TPH2: variants seen among roughly 807,000 people sequenced by gnomAD.
TPH2 encodes tryptophan 5-hydroxylase 2.
Under a neutral mutation model 59.1 loss-of-function variants are expected in TPH2, and 27 were observed. That is an observed-to-expected ratio of 0.46 (90% CI 0.34 to 0.63). TPH2 has a LOEUF of 0.63. TPH2 is among the 30% of genes least tolerant of loss of function. The probability of loss-of-function intolerance (pLI) is 0.01; values close to 1 mark genes in which losing one functional copy is unlikely to be tolerated. For missense variants in TPH2, 523 were observed against 588.3 expected, an observed-to-expected ratio of 0.89 and a Z score of 1.15; for synonymous variants, 220 against 210.5, an observed-to-expected ratio of 1.05 and a Z score of -0.39.
At chr12:72,030,992 G>T (rs1262198520) in intron 9 of TPH2, among the ~76,000 whole-genome samples, 1 of 151,966 alleles carries the variant, frequency 6.6e-6, no homozygotes, top group East Asian at 1.9e-4. Flanking sequence ...TATGAATTTG[G>T]CTGGTAATAA....
rs753298468 is a variant in TPH2 at position 71,944,488 on chromosome 12, T to G, written c.439+11T>G. ...GGACAGAGGAAGAAGGCAAGGGTGG[T>G]CTTAGCTTGTCGGGTAACTTTGCAA... On this transcript the variant is annotated intron_variant, in intron 3 of 10. Transcript: ENST00000333850. The G allele has an allele frequency of 1.2e-6, 2 of 1,613,768 alleles. No homozygotes were observed. Among genetic ancestry groups the G allele is most frequent in the Admixed American group, 1.7e-5 (1 of 59,962 alleles).
chr12:72,013,639 G>A (rs1873158634), intron 8 of TPH2, among the ~76,000 whole-genome samples: 4 of 152,116 alleles, frequency 2.6e-5, no homozygotes, highest in African/African-American at 4.8e-5. Flanking sequence ...AGATGTTTGT[G>A]GTAGGAGTAA....
At chr12:71,995,853 A>T (rs1463771461) in intron 8 of TPH2, among the ~76,000 whole-genome samples, 2 of 152,254 alleles carry the variant, frequency 1.3e-5, no homozygotes, top group African/African-American at 4.8e-5. Context: ...TATTAAAAAA[A>T]GTCCCACCAT....
intron 5 of TPH2, among the ~76,000 whole-genome samples, chr12:71,954,197 A>ACTGT (rs1361178272): frequency 1.3e-5 from 2 of 152,164 alleles, no homozygotes; most frequent in Non-Finnish European, 2.9e-5. Context: ...CGGCATGCTA[A>ACTGT]CTGTCGATAG....
Position 71,944,435 on chromosome 12 carries a change from G to A in TPH2, c.397G>A (p.Val133Met), listed in dbSNP as rs1871149539. 6.2e-7 allele frequency: 1 copy of A among 1,613,984 alleles called. No individual in the cohort carries two copies. Among genetic ancestry groups the A allele is most frequent in the Non-Finnish European group, 8.5e-7 (1 of 1,179,892 alleles). Residue 133 changes from valine (V) to methionine (M), a missense_variant, in exon 3 of 11, where the codon GTG becomes ATG. Coordinates refer to ENST00000333850, the MANE Select transcript of TPH2 (RefSeq NM_173353.4). ...GTTGCTGAAATTTCAAACCACTATTGTGACGCTGAATCCTCCAGAGAACAT... is the reference window on the plus strand; with the variant it reads ...GTTGCTGAAATTTCAAACCACTATTATGACGCTGAATCCTCCAGAGAACAT... ...IQLLKFQTTI[V>M]TLNPPENIWT...
intron 6 of TPH2, among the ~76,000 whole-genome samples, chr12:71,973,579 T>C (rs1369766292): frequency 6.6e-6 from 1 of 152,220 alleles, no homozygotes; most frequent in Non-Finnish European, 1.5e-5. Flanking sequence ...TTGTTTAGCA[T>C]ATAATCAAGA....
chr12:72,001,146 G>C (rs933739148), intron 8 of TPH2, among the ~76,000 whole-genome samples: 1 of 152,214 alleles, frequency 6.6e-6, no homozygotes, highest in African/African-American at 2.4e-5. Context: ...CTCTGGCCCA[G>C]TTGGAATTTT....
intron 1 of TPH2, among the ~76,000 whole-genome samples, chr12:71,939,309 T>C (rs190752797): frequency 7.3e-5 from 11 of 149,830 alleles, no homozygotes; most frequent in Middle Eastern, 3.5e-3. Flanking sequence ...CAACTTTTTT[T>C]CCGCAAAGTT....
chr12:71,978,191 C>T (rs1282949058), intron 6 of TPH2, among the ~76,000 whole-genome samples: 2 of 150,602 alleles, frequency 1.3e-5, no homozygotes, highest in African/African-American at 4.9e-5. Context: ...CGACTCTATA[C>T]AACATTTTAA....
intron 9 of TPH2, among the ~76,000 whole-genome samples, chr12:72,023,711 C>T (rs572265404): frequency 6.6e-6 from 1 of 151,348 alleles, no homozygotes; most frequent in African/African-American, 2.4e-5. Flanking sequence ...TACCTGTAAT[C>T]CCAGCTACTT....
rs894268330 is a variant in TPH2, at chr12:71,946,735, G to T, written c.540+2049G>T. Among the ~76,000 whole-genome samples the T allele has an allele frequency of 2.0e-5, 3 of 152,156 alleles. No homozygotes were observed. In the East Asian group the frequency reaches 5.8e-4, roughly 29 times the overall value. ...CAGTCCTGAGACAAACACAGGGACC[G>T]TTGTGATAGGATACTTCAGAAGGGG... On this transcript the variant is annotated intron_variant, in intron 4 of 10. Coordinates refer to ENST00000333850, the MANE Select transcript of TPH2 (RefSeq NM_173353.4).
At chr12:72,026,401 C>T (rs1325298535) in intron 9 of TPH2, among the ~76,000 whole-genome samples, 1 of 152,090 alleles carries the variant, frequency 6.6e-6, no homozygotes, top group African/African-American at 2.4e-5. Context: ...GCTTGAATGG[C>T]TATTCTCAGA....
chr12:71,984,203 C>T (rs978276219), intron 7 of TPH2, among the ~76,000 whole-genome samples: 1 of 152,126 alleles, frequency 6.6e-6, no homozygotes, highest in Non-Finnish European at 1.5e-5. Flanking sequence ...AGTTTAGTGG[C>T]AATTAATGTT....
chr12:71,962,501 C>G (rs975288650), intron 5 of TPH2: 2 of 984,954 alleles, frequency 2.0e-6, no homozygotes, highest in Non-Finnish European at 2.4e-6. Flanking sequence ...AAAAGAAACC[C>G]TTATATGTAA....
chr12:72,026,591 C>T (rs1263320682), intron 9 of TPH2, among the ~76,000 whole-genome samples: 3 of 152,172 alleles, frequency 2.0e-5, no homozygotes, highest in Admixed American at 1.3e-4. Flanking sequence ...TGAGCTCTCA[C>T]GTTTACCCTG....
At chr12:71,982,013 G>GTTTTTTTTTTTTTTTTTTTTTT (rs1468983565) in intron 7 of TPH2, among the ~76,000 whole-genome samples, 51 of 55,644 alleles carry the variant, frequency 9.2e-4, no homozygotes, top group Non-Finnish European at 1.4e-3. Flanking sequence ...CATATCATTC[G>GTTTTTTTTTTTTTTTTTTTTTT]TATTTTTTTT....
chr12:71,988,384 T>G (rs887274981), intron 7 of TPH2, among the ~76,000 whole-genome samples: 1 of 152,090 alleles, frequency 6.6e-6, no homozygotes, highest in Admixed American at 6.5e-5. Flanking sequence ...TGGCTCGCGG[T>G]TCTGCAGGCT....
chr12:71,961,642 T>C, intron 5 of TPH2: 2 of 1,352,142 alleles, frequency 1.5e-6, no homozygotes, highest in Non-Finnish European at 2.0e-6. Flanking sequence ...TTGTGTATGT[T>C]GAGCGTGCAC....
chr12:71,971,018 G>A (rs375317937), intron 5 of TPH2, among the ~76,000 whole-genome samples: 5 of 152,182 alleles, frequency 3.3e-5, no homozygotes, highest in African/African-American at 1.2e-4. Context: ...CTATTTTGCC[G>A]AGAACACTGA....
Sources: gnomAD v4.1 joint callset for allele counts (sites outside exome capture counted in the v4.1 genomes callset) on GRCh38, gnomAD v4.1.1 for gene constraint, MANE v1.5 for transcripts, NCBI Gene and HGNC (gene_info 2026-07-23, HGNC 2026-07-21) for gene names.